Variants in PLCB1 observed in about 807,000 individuals in gnomAD.
PLCB1 encodes the protein phospholipase C beta 1.
Under a neutral mutation model 161.8 loss-of-function variants are expected in PLCB1, and 46 were observed. That is an observed-to-expected ratio of 0.28 (90% CI 0.22 to 0.36). The LOEUF is 0.36. Ranked by LOEUF, PLCB1 falls within the 10% of genes least tolerant of loss-of-function variation. The pLI, the probability that PLCB1 is intolerant of heterozygous loss-of-function variation, is 1.00. For synonymous variants in PLCB1, 517 were observed against 503.7 expected (o/e 1.03, Z -0.35); for missense variants, 1,016 against 1,472.5 (o/e 0.69, Z 5.07).
chr20:8,569,491 A>C (rs545776824), intron 3 of PLCB1, among the ~76,000 whole-genome samples: 1 of 152,332 alleles, frequency 6.6e-6, no homozygotes, highest in African/African-American at 2.4e-5. Flanking sequence ...GCCACTTGGC[A>C]TTGTGTTTCA....
At chr20:8,562,054 C>A (rs1474858171) in intron 3 of PLCB1, among the ~76,000 whole-genome samples, 1 of 151,924 alleles carries the variant, frequency 6.6e-6, no homozygotes, top group Non-Finnish European at 1.5e-5. Context: ...TAGAGAAGAG[C>A]AAACGGTCTT....
intron 3 of PLCB1, among the ~76,000 whole-genome samples, chr20:8,396,297 A>T: frequency 6.6e-6 from 1 of 152,026 alleles, no homozygotes; most frequent in East Asian, 1.9e-4. Context: ...CAGAAATTCA[A>T]TCTGTGGTGG....
At chr20:8,629,826 TTTCTTTC>T (rs1277198486) in intron 4 of PLCB1, among the ~76,000 whole-genome samples, 2,290 of 41,602 alleles carry the variant, frequency 0.055, 25 homozygotes, top group East Asian at 0.097. Context: ...CTTTTCTTTC[TTTCTTTC>T]TTTCTTTCTT....
At chr20:8,162,170 T>C (rs1293977851) in intron 2 of PLCB1, among the ~76,000 whole-genome samples, 2 of 152,174 alleles carry the variant, frequency 1.3e-5, no homozygotes, top group African/African-American at 4.8e-5. Flanking sequence ...GTATTAGCTG[T>C]TTGTTTTATC....
chr20:8,536,103 G>T (rs1325370824), intron 3 of PLCB1, among the ~76,000 whole-genome samples: 1 of 152,120 alleles, frequency 6.6e-6, no homozygotes, highest in Non-Finnish European at 1.5e-5. Flanking sequence ...GGAGGAAAAA[G>T]AATGTGATGA....
chr20:8,265,903 CATT>C (rs1981931450), intron 2 of PLCB1, among the ~76,000 whole-genome samples: 1 of 152,148 alleles, frequency 6.6e-6, no homozygotes, highest in Non-Finnish European at 1.5e-5. Context: ...GGAAATCAAT[CATT>C]AGAGTAAGGT....
Position 8,763,560 on chromosome 20 carries a change from G to A in PLCB1, c.2711-1579G>A, listed in dbSNP as rs540421304. ...GCCACCATGCCCAGCTAATTTTTGT[G>A]TTTTTAGTAGAGACAGGAGTTTTGC... On this transcript the variant is annotated intron_variant, in intron 25 of 31. Transcript: ENST00000338037. Among the ~76,000 whole-genome samples, 27 of 152,098 alleles carry A rather than the reference G, an allele frequency of 1.8e-4. No individual in the cohort carries two copies. In the South Asian group the frequency reaches 5.4e-3, roughly 30 times the overall value.
At chr20:8,398,778 C>A (rs907576217) in intron 3 of PLCB1, among the ~76,000 whole-genome samples, 7 of 150,138 alleles carry the variant, frequency 4.7e-5, no homozygotes, top group African/African-American at 1.2e-4. Flanking sequence ...TTTTTTTTTT[C>A]ATCTGGTATT....
intron 16 of PLCB1, among the ~76,000 whole-genome samples, chr20:8,727,079 G>T (rs570291888): frequency 2.6e-5 from 4 of 151,940 alleles, no homozygotes; most frequent in Non-Finnish European, 5.9e-5. Context: ...AAAAGCATAA[G>T]TAGCTCTGAC....
chr20:8,245,610 C>T (rs891288382), intron 2 of PLCB1, among the ~76,000 whole-genome samples: 1 of 151,856 alleles, frequency 6.6e-6, no homozygotes, highest in Non-Finnish European at 1.5e-5. Context: ...GAGTTTGTCA[C>T]TTAGATGGTC....
intron 3 of PLCB1, among the ~76,000 whole-genome samples, chr20:8,385,507 G>A (rs1367601360): frequency 2.0e-5 from 3 of 152,212 alleles, no homozygotes; most frequent in African/African-American, 7.2e-5. Flanking sequence ...GAGTTCAAAT[G>A]GCTTAGACAG....
intron 3 of PLCB1, chr20:8,600,895 CAGAAAG>C (rs1987557121): frequency 6.7e-6 from 1 of 149,522 alleles, no homozygotes. Flanking sequence ...TTCTTTGACT[CAGAAAG>C]GGAACTCCCT....
At chr20:8,786,690 T>TG (rs1983501324) in intron 27 of PLCB1, among the ~76,000 whole-genome samples, 2 of 139,480 alleles carry the variant, frequency 1.4e-5, no homozygotes, top group Admixed American at 7.0e-5. Context: ...GAATCTTTTT[T>TG]GTTTTTTTTT....
At chr20:8,299,322 T>A (rs1198630796) in intron 2 of PLCB1, among the ~76,000 whole-genome samples, 1 of 152,146 alleles carries the variant, frequency 6.6e-6, no homozygotes, top group Non-Finnish European at 1.5e-5. Context: ...CTTTCTTTCT[T>A]TGTGTTTTTG....
chr20:8,563,992 T>A (rs6039194), intron 3 of PLCB1, among the ~76,000 whole-genome samples: 29,996 of 151,912 alleles, frequency 0.2, 3,385 homozygotes, highest in African/African-American at 0.29. Context: ...TTAGAAAAAT[T>A]TACTTTAAAT....
intron 31 of PLCB1, among the ~76,000 whole-genome samples, chr20:8,844,754 A>G (rs1986628710): frequency 1.3e-5 from 2 of 152,200 alleles, no homozygotes; most frequent in African/African-American, 4.8e-5. Context: ...CCATAATCCA[A>G]TAGATCATCT....
chr20:8,403,538 G>A (rs1978653855), intron 3 of PLCB1, among the ~76,000 whole-genome samples: 2 of 152,188 alleles, frequency 1.3e-5, no homozygotes, highest in South Asian at 4.1e-4. Context: ...AGGGAATGCA[G>A]GAAGATGGGC....
intron 3 of PLCB1, among the ~76,000 whole-genome samples, chr20:8,390,213 A>G (rs917535230): frequency 4.6e-5 from 7 of 152,206 alleles, no homozygotes; most frequent in Non-Finnish European, 8.8e-5. Flanking sequence ...AGTCTGAGAC[A>G]AAAGTGCCAG....
intron 2 of PLCB1, among the ~76,000 whole-genome samples, chr20:8,314,480 C>A (rs1984545738): frequency 1.3e-5 from 2 of 152,198 alleles, no homozygotes; most frequent in African/African-American, 4.8e-5. Flanking sequence ...TTTCAGCCAA[C>A]AGACTTGACT....
Sources: gnomAD v4.1 joint callset for allele counts (sites outside exome capture counted in the v4.1 genomes callset) on GRCh38, gnomAD v4.1.1 for gene constraint, MANE v1.5 for transcripts, NCBI Gene and HGNC (gene_info 2026-07-23, HGNC 2026-07-21) for gene names.